PBX1: variants seen among roughly 807,000 people sequenced by gnomAD.
PBX1 encodes pre-B-cell leukemia transcription factor 1.
In PBX1, 6 loss-of-function variants were observed where a neutral mutation model predicts 53.4. The ratio of observed to expected loss-of-function variants is 0.11; its 90% CI spans 0.06 to 0.22. The LOEUF (loss-of-function observed/expected upper bound fraction) is 0.22, where lower values mean the gene tolerates loss of function less well. Ranked by LOEUF, PBX1 falls within the 10% of genes least tolerant of loss-of-function variation. PBX1 has a pLI of 1.00. For synonymous variants in PBX1, 204 were observed against 212.3 expected (o/e 0.96, Z 0.34); for missense variants, 251 against 551.4 (o/e 0.46, Z 5.46).
intron 1 of PBX1, 168 bp downstream of exon 1, chr1:164,560,181 G>GAA (rs1652929645): frequency 1.8e-6 from 1 of 547,960 alleles, no homozygotes. Context: ...TTGAAGGAGC[G>GAA]TTGTTATCGA....
At chr1:164,872,133 G>T (rs1672397850) in intron 2 of PBX1, among the ~76,000 whole-genome samples, 1 of 152,130 alleles carries the variant, frequency 6.6e-6, no homozygotes. Context: ...AGATTTTACA[G>T]ATGATTTGTG....
intron 2 of PBX1, among the ~76,000 whole-genome samples, chr1:164,765,834 G>A (rs1477143977): frequency 6.6e-6 from 1 of 152,150 alleles, no homozygotes; most frequent in Non-Finnish European, 1.5e-5. Flanking sequence ...CTCTCATTCT[G>A]TCAGGGTGTG....
chr1:164,848,897 T>C lies in PBX1; in HGVS notation c.*2221T>C. 1 of 1,068,466 alleles carries C rather than the reference T, an allele frequency of 9.4e-7. No individual in the cohort carries two copies. The highest frequency in any genetic ancestry group is 1.1e-6 in the Non-Finnish European group (1 of 881,446). The allele number at this position is 1,068,466 out of a possible 1,614,324, so 66.2% of individuals were successfully genotyped here. On this transcript the variant is annotated 3_prime_UTR_variant, in exon 9 of 9. Transcript: ENST00000420696. ...CAAGGGAATGTGTATTTGAAGGAAA[T>C]GCAAAAACTAAGTATTTAGCAAAAT...
intron 2 of PBX1, among the ~76,000 whole-genome samples, chr1:164,708,283 A>T (rs1312538193): frequency 1.3e-5 from 2 of 152,204 alleles, no homozygotes; most frequent in Non-Finnish European, 2.9e-5. Context: ...GCAGATAGAG[A>T]TGAGTGAGAG....
intron 2 of PBX1, among the ~76,000 whole-genome samples, chr1:164,686,721 G>T (rs1284349756): frequency 6.6e-6 from 1 of 152,148 alleles, no homozygotes; most frequent in Non-Finnish European, 1.5e-5. Context: ...ATCTTTGGGA[G>T]GCTGAGGCGG....
chr1:164,715,014 AT>A (rs11361136), intron 2 of PBX1, among the ~76,000 whole-genome samples: 61,365 of 147,498 alleles, frequency 0.42, 13,067 homozygotes, highest in South Asian at 0.71. Context: ...TTCCCCATTG[AT>A]TTTTTTTTTT....
chr1:164,812,927 T>C (rs919494550), intron 6 of PBX1: 11 of 152,194 alleles, frequency 7.2e-5, no homozygotes, highest in African/African-American at 2.7e-4. Flanking sequence ...AATTTTTTTT[T>C]CCCTTTGGTA....
At chr1:164,607,176 A>G (rs980424295) in intron 2 of PBX1, among the ~76,000 whole-genome samples, 2 of 152,114 alleles carry the variant, frequency 1.3e-5, no homozygotes, top group African/African-American at 4.8e-5. Context: ...ATCAGAGGAC[A>G]GTGCAAGGGA....
intron 2 of PBX1, among the ~76,000 whole-genome samples, chr1:164,581,473 G>C (rs995035108): frequency 4.6e-5 from 7 of 152,066 alleles, no homozygotes; most frequent in African/African-American, 1.7e-4. Context: ...TGATCCGCCT[G>C]CCTCGGCCTC....
rs12135228 is a variant in PBX1, at chr1:164,685,660, C to G, written c.266-106834C>G. On this transcript the variant is annotated intron_variant, in intron 2 of 8. Coordinates refer to ENST00000420696, the MANE Select transcript of PBX1 (RefSeq NM_002585.4). ...GCAACAGTGTTAGGACTTTTATACACATTTTTACAATTATTACAGCAGTTC... is the reference window on the plus strand; with the variant it reads ...GCAACAGTGTTAGGACTTTTATACAGATTTTTACAATTATTACAGCAGTTC... Among the ~76,000 whole-genome samples the G allele has an allele frequency of 8.6e-3, 1,316 of 152,344 alleles. 11 individuals carry two copies. Among genetic ancestry groups the G allele is most frequent in the Non-Finnish European group, 0.013 (888 of 68,028 alleles).
At chr1:164,679,286 A>G (rs535994647) in intron 2 of PBX1, among the ~76,000 whole-genome samples, 1 of 152,166 alleles carries the variant, frequency 6.6e-6, no homozygotes, top group African/African-American at 2.4e-5. Context: ...CAAATTCTGC[A>G]CTTTTTGTTA....
At chr1:164,684,886 A>G (rs1204819219) in intron 2 of PBX1, 1 of 152,222 alleles carries the variant, frequency 6.6e-6, no homozygotes, top group Non-Finnish European at 1.5e-5. Flanking sequence ...CTGAAAGTAA[A>G]TAAACCTTAT....
rs912345250 is a variant in PBX1 at position 164,847,674 on chromosome 1, C to T, written c.*998C>T. On this transcript the variant is annotated 3_prime_UTR_variant, in exon 9 of 9. Coordinates refer to ENST00000420696, the MANE Select transcript of PBX1 (RefSeq NM_002585.4). ...GTACCATCTCACATCTTCACTTTCC[C>T]GAGATGCCATATACAATTACCTACA... is the stretch of plus-strand genomic sequence containing the variant. 9.6e-5 allele frequency: 102 copies of T among 1,057,952 alleles called. No individual in the cohort carries two copies. The highest frequency in any genetic ancestry group is 1.1e-4 in the Non-Finnish European group (92 of 874,740). 65.5% of individuals were successfully genotyped at this position (1,057,952 alleles called of 1,614,324 possible).
intron 2 of PBX1, among the ~76,000 whole-genome samples, chr1:164,593,897 T>C (rs183615366): frequency 5.1e-4 from 77 of 152,310 alleles, no homozygotes; most frequent in African/African-American, 1.8e-3. Context: ...AGTTCATTCA[T>C]GCCTGTAAGC....
At chr1:164,884,582 G>A (rs1672735948) in intron 2 of PBX1, 1 of 515,848 alleles carries the variant, frequency 1.9e-6, no homozygotes, top group African/African-American at 1.9e-5. Flanking sequence ...TGCTCTGGTG[G>A]TGACAGCAAG....
At position 164,708,712 on chromosome 1, in the gene PBX1, C is replaced by G. The variant is rs191552671; in HGVS notation, c.266-83782C>G. Among the ~76,000 whole-genome samples, 177 of 152,328 alleles carry G rather than the reference C, an allele frequency of 1.2e-3. 2 individuals are homozygous for G. The highest frequency in any genetic ancestry group is 6.8e-3 in the Middle Eastern group (2 of 294). ...AATGGCCTCCGGCTGCATCCATCAA[C>G]ATATACAATCTTTACAACAAATATA... On this transcript the variant is annotated intron_variant, in intron 2 of 8. Transcript: ENST00000420696.
intron 2 of PBX1, among the ~76,000 whole-genome samples, chr1:164,778,650 A>AG: frequency 6.9e-6 from 1 of 145,470 alleles, no homozygotes; most frequent in South Asian, 2.1e-4. Context: ...AAAAAAAAAA[A>AG]GAAGAACAGG....
intron 2 of PBX1, among the ~76,000 whole-genome samples, chr1:164,714,550 G>A (rs924149307): frequency 9.9e-5 from 15 of 152,182 alleles, no homozygotes; most frequent in African/African-American, 3.1e-4. Flanking sequence ...GTCCACTGAA[G>A]AAGATATTTA....
At chr1:164,591,341 T>C (rs1655363414) in intron 2 of PBX1, among the ~76,000 whole-genome samples, 1 of 152,196 alleles carries the variant, frequency 6.6e-6, no homozygotes, top group Admixed American at 6.5e-5. Context: ...AAAAGAGTTC[T>C]GTTCACAAAA....
Sources: gnomAD v4.1 joint callset for allele counts (sites outside exome capture counted in the v4.1 genomes callset) on GRCh38, gnomAD v4.1.1 for gene constraint, MANE v1.5 for transcripts, NCBI Gene and HGNC (gene_info 2026-07-23, HGNC 2026-07-21) for gene names.